The following RELN variants were observed in gnomAD, a reference collection of about 807,000 sequenced individuals.
RELN encodes the protein reelin.
Under a neutral mutation model 427.6 loss-of-function variants are expected in RELN, and 108 were observed. That is an observed-to-expected ratio of 0.25 (90% confidence interval 0.22 to 0.30). RELN has a LOEUF of 0.30. Among genes scored for constraint, RELN ranks in the 10% least tolerant of loss-of-function variants. RELN has a pLI of 1.00. For synonymous variants in RELN, 1,524 were observed against 1,513.4 expected, an observed-to-expected ratio of 1.01 and a Z score of -0.16; for missense variants, 3,715 against 4,302.8, an observed-to-expected ratio of 0.86 and a Z score of 3.82.
chr7:103,807,417 A>T (rs754971159), intron 3 of RELN, among the ~76,000 whole-genome samples: 33 of 152,096 alleles, frequency 2.2e-4, no homozygotes, highest in Non-Finnish European at 3.2e-4. Context: ...AACAGACACT[A>T]TTTGCTGAAA....
intron 11 of RELN, among the ~76,000 whole-genome samples, chr7:103,670,796 T>C (rs2115621221): frequency 6.6e-6 from 1 of 152,140 alleles, no homozygotes; most frequent in East Asian, 1.9e-4. Context: ...AGAGATATAA[T>C]ATCTTAGCCA....
At chr7:103,949,539 C>T (rs1477353977) in intron 1 of RELN, among the ~76,000 whole-genome samples, 3 of 151,190 alleles carry the variant, frequency 2.0e-5, no homozygotes, top group Non-Finnish European at 2.9e-5. Context: ...CTCTTCCCCG[C>T]CCCCCAACCC....
rs1562931056 is a variant in RELN at position 103,630,871 on chromosome 7, T to TTTG, written c.2466-696_2466-695insCAA. Reference sequence around the variant, plus strand: ...TTTTTGTTTTTTTTGTTTTTTTTTTTTTTGTTTTTTAACTAATGAGCAAAT... The same window carrying TTTG: ...TTTTTGTTTTTTTTGTTTTTTTTTTTTTGTTTGTTTTTTAACTAATGAGCAAAT... On this transcript the variant is annotated intron_variant, in intron 19 of 64. Transcript: ENST00000428762. Among the ~76,000 whole-genome samples, 75 of 150,318 alleles carry TTTG rather than the reference T, an allele frequency of 5.0e-4. 1 individual carries two copies. The highest frequency in any genetic ancestry group is 8.3e-4 in the Non-Finnish European group (56 of 67,578).
chr7:103,875,527 G>T (rs995488785), intron 2 of RELN, among the ~76,000 whole-genome samples: 5 of 152,066 alleles, frequency 3.3e-5, no homozygotes, highest in African/African-American at 1.2e-4. Flanking sequence ...ATTAAATATA[G>T]GTTGGCACTA....
At chr7:103,523,620 A>C in intron 46 of RELN, 89 bp from the exon 47 acceptor site, 1 of 1,233,628 alleles carries the variant, frequency 8.1e-7, no homozygotes, top group Non-Finnish European at 1.2e-6. Context: ...GAGAAGTGTA[A>C]CACAAAAGCA....
chr7:103,652,763 TCAAA>T lies in RELN; in HGVS notation c.1555-8_1555-5del. The T allele has an allele frequency of 6.2e-7, 1 of 1,612,318 alleles. No individual in the cohort carries two copies. Among genetic ancestry groups the T allele is most frequent in the Non-Finnish European group, 8.5e-7 (1 of 1,178,888 alleles). Reference sequence around the variant, plus strand: ...CCACAGAAACCAAAGACGGAACCTTTCAAACAAAGGAGACCAGAATCACTCAAAA... The same window carrying T: ...CCACAGAAACCAAAGACGGAACCTTTCAAAGGAGACCAGAATCACTCAAAA... On this transcript the variant is annotated splice_region_variant and splice_polypyrimidine_tract_variant and intron_variant, in intron 13 of 64. Transcript: ENST00000428762.
chr7:103,507,125 G>A (rs59070939), intron 51 of RELN, among the ~76,000 whole-genome samples: 1 of 127,912 alleles, frequency 7.8e-6, no homozygotes, highest in East Asian at 2.8e-4. Flanking sequence ...AGATCAACGA[G>A]ACAGAAAATT....
At chr7:103,918,316 G>A (rs935314257) in intron 1 of RELN, among the ~76,000 whole-genome samples, 1 of 152,152 alleles carries the variant, frequency 6.6e-6, no homozygotes, top group Non-Finnish European at 1.5e-5. Context: ...GTTGGGCACT[G>A]AGGTAAGTAG....
chr7:103,499,656 A>C (rs1047439917), intron 53 of RELN, among the ~76,000 whole-genome samples: 5 of 152,218 alleles, frequency 3.3e-5, no homozygotes, highest in African/African-American at 1.2e-4. Flanking sequence ...AGTCTGCCTT[A>C]GTCTCACTAA....
At chr7:103,599,635 A>G (rs362674) in intron 24 of RELN, among the ~76,000 whole-genome samples, 16,815 of 152,162 alleles carry the variant, frequency 0.11, 983 homozygotes, top group South Asian at 0.18. Context: ...AGAGAGAAGT[A>G]CAGTTTGCCA....
chr7:103,762,924 C>T (rs1791338475), intron 4 of RELN, among the ~76,000 whole-genome samples: 1 of 152,118 alleles, frequency 6.6e-6, no homozygotes, highest in African/African-American at 2.4e-5. Context: ...ATAATACATG[C>T]CATTTTGAGA....
Position 103,512,217 on chromosome 7 carries a change from T to C in RELN, c.8120-1212A>G, listed in dbSNP as rs527832475. On this transcript the variant is annotated intron_variant, in intron 50 of 64. Transcript: ENST00000428762. ...CCTATTTAATTAGATAAACAAATGA[T>C]TTTTGAGTTTAAGAAATGAGTTTAT... 3.3e-5 allele frequency among the ~76,000 whole-genome samples: 5 copies of C among 152,256 alleles called. No homozygotes were observed. In the East Asian group the frequency reaches 9.6e-4, roughly 29 times the overall value.
At chr7:103,554,090 G>A (rs912594162) in intron 38 of RELN, among the ~76,000 whole-genome samples, 1 of 152,078 alleles carries the variant, frequency 6.6e-6, no homozygotes, top group East Asian at 1.9e-4. Flanking sequence ...AGGAGGCTGA[G>A]GTGGGAGGAC....
At chr7:103,522,838 G>GACACACACATACACAGAC (rs1829740310) in intron 47 of RELN, among the ~76,000 whole-genome samples, 3 of 149,606 alleles carry the variant, frequency 2.0e-5, no homozygotes, top group African/African-American at 7.4e-5. Flanking sequence ...CAGACACACA[G>GACACACACATACACAGAC]ACACACACAC....
chr7:103,738,260 C>A (rs1177142620), intron 6 of RELN, among the ~76,000 whole-genome samples: 1 of 151,818 alleles, frequency 6.6e-6, no homozygotes, highest in Non-Finnish European at 1.5e-5. Context: ...AAGATCCTCT[C>A]TGACTTTGTA....
At chr7:103,748,236 C>G (rs1398826022) in intron 6 of RELN, among the ~76,000 whole-genome samples, 1 of 147,940 alleles carries the variant, frequency 6.8e-6, no homozygotes, top group Non-Finnish European at 1.5e-5. Flanking sequence ...TAAACTGTTT[C>G]TTTAAATGGC....
At chr7:103,881,993 A>T (rs1240727937) in intron 2 of RELN, among the ~76,000 whole-genome samples, 2 of 152,150 alleles carry the variant, frequency 1.3e-5, no homozygotes, top group East Asian at 3.9e-4. Flanking sequence ...TGAATCAATC[A>T]ATCAGTCAAA....
intron 10 of RELN, among the ~76,000 whole-genome samples, chr7:103,692,073 T>C (rs1237664861): frequency 6.6e-6 from 1 of 152,182 alleles, no homozygotes; most frequent in Non-Finnish European, 1.5e-5. Context: ...GTCCCTTTCA[T>C]AACATTTTCA....
chr7:103,955,623 G>T (rs1239269191), intron 1 of RELN, among the ~76,000 whole-genome samples: 3 of 152,160 alleles, frequency 2.0e-5, no homozygotes, highest in Non-Finnish European at 4.4e-5. Context: ...ATTAGATGTA[G>T]GATAGTGTTG....
Sources: allele counts gnomAD v4.1 joint callset (sites outside exome capture counted in the v4.1 genomes callset), GRCh38; gene constraint gnomAD v4.1.1; transcripts MANE v1.5; gene names NCBI Gene and HGNC (gene_info 2026-07-23, HGNC 2026-07-21).